The following COL4A5 variants were observed in gnomAD, a reference collection of about 807,000 sequenced individuals.
The protein encoded by COL4A5 is collagen type IV alpha 5 chain, also known as collagen alpha-5(IV) chain.
A neutral mutation model predicts 130.2 loss-of-function variants in COL4A5; 26 were observed. The ratio of observed to expected loss-of-function variants is 0.20; its 90% CI spans 0.15 to 0.28. COL4A5 has a LOEUF of 0.28. COL4A5 is among the 10% of genes least tolerant of loss of function. The pLI, the probability that COL4A5 is intolerant of heterozygous loss-of-function variation, is 1.00. For missense variants in COL4A5, 1,131 were observed against 1,344.3 expected, an observed-to-expected ratio of 0.84 and a Z score of 2.48; for synonymous variants, 496 against 439.6, an observed-to-expected ratio of 1.13 and a Z score of -1.60.
intron 36 of COL4A5, among the ~76,000 whole-genome samples, chrX:108,641,471 C>T (rs1229046548): frequency 1.8e-5 from 2 of 111,835 alleles, no homozygotes; most frequent in East Asian, 5.6e-4. Context: ...AGATCAACTG[C>T]AACAACAAAC....
At chrX:108,573,687 A>T in intron 9 of COL4A5, 33 bp downstream of exon 9, 1 of 983,810 alleles carries the variant, frequency 1.0e-6, no homozygotes, top group Non-Finnish European at 1.5e-6. Context: ...TTTTTGCTAT[A>T]TTGATTAAAC....
In COL4A5 at chrX:108,591,541, CCTTT is replaced by C; in HGVS notation, c.1340-15_1340-12del. ...GGATATTTCACAATTAGCTTGCTAT[CCTTT>C]CTTTATCTTACTCAGGTGATGAGAT... On this transcript the variant is annotated splice_polypyrimidine_tract_variant and intron_variant, in intron 20 of 52. Transcript: ENST00000328300. 3 of 1,150,580 alleles carry C rather than the reference CCTTT, an allele frequency of 2.6e-6. No homozygotes were observed. The highest frequency in any genetic ancestry group is 3.6e-6 in the Non-Finnish European group (3 of 839,954). 94.8% of individuals were successfully genotyped at this position (1,150,580 alleles called of 1,213,427 possible).
chrX:108,591,744 C>A, intron 21 of COL4A5, 100 bp downstream of exon 21: 1 of 648,047 alleles, frequency 1.5e-6, no homozygotes, highest in South Asian at 2.3e-5. Flanking sequence ...CACTGACTCC[C>A]ATGGTCATAC....
chrX:108,464,850 A>G (rs1323535724), intron 1 of COL4A5, among the ~76,000 whole-genome samples: 1 of 112,213 alleles, frequency 8.9e-6, no homozygotes, highest in African/African-American at 3.2e-5. Context: ...GGGAAATCTT[A>G]CTGAAGAAGT....
At chrX:108,656,159 A>G (rs2067837561) in intron 37 of COL4A5, among the ~76,000 whole-genome samples, 1 of 111,461 alleles carries the variant, frequency 9.0e-6, no homozygotes, top group Non-Finnish European at 1.9e-5. Context: ...AAGTTTACCC[A>G]TGCCCCTACG....
chrX:108,647,585 C>A (rs1366675370), intron 36 of COL4A5, among the ~76,000 whole-genome samples: 1 of 111,326 alleles, frequency 9.0e-6, no homozygotes, highest in Non-Finnish European at 1.9e-5. Context: ...TCTTCTCCTG[C>A]CTGATTGCCC....
At chrX:108,495,131 T>G (rs772268020) in intron 1 of COL4A5, among the ~76,000 whole-genome samples, 17 of 111,350 alleles carry the variant, frequency 1.5e-4, no homozygotes, top group Non-Finnish European at 3.2e-4. Flanking sequence ...AACTTTTTTT[T>G]TCAACAAATG....
chrX:108,526,837 G>C (rs1161108686), intron 1 of COL4A5, among the ~76,000 whole-genome samples: 11 of 102,123 alleles, frequency 1.1e-4, no homozygotes, highest in Non-Finnish European at 2.2e-4. Context: ...GAACAATCAT[G>C]GCTCACTGCA....
chrX:108,620,377 T>C lies in COL4A5; in HGVS notation c.2628T>C (p.Pro876=). The C allele has an allele frequency of 8.3e-7, 1 of 1,209,425 alleles. No homozygotes were observed. The highest frequency in any genetic ancestry group is 1.1e-6 in the Non-Finnish European group (1 of 893,730). ...CCGGAGCACCTGGTCCTATAGGACC[T>C]CCAGGATCACCAGGGCTTCCAGGAA... The part of the protein sequence containing the change: ...GIPGAPGPIG[P]PGSPGLPGKA... The change falls in exon 31 of 53, where the codon CCT becomes CCC. Residue 876 remains proline, a synonymous_variant. Coordinates refer to ENST00000328300, the MANE Select transcript of COL4A5 (RefSeq NM_033380.3).
chrX:108,464,596 ATGTC>A (rs2064685738), intron 1 of COL4A5, among the ~76,000 whole-genome samples: 1 of 112,544 alleles, frequency 8.9e-6, no homozygotes, highest in Admixed American at 9.4e-5. Context: ...GTATATAGAT[ATGTC>A]TGTCTGTATG....
chrX:108,655,390 T>C lies in COL4A5; in HGVS notation c.3306T>C (p.Asp1102=), dbSNP rs1172472084. 8.3e-7 allele frequency: 1 copy of C among 1,210,801 alleles called. No individual in the cohort carries two copies. Among genetic ancestry groups the C allele is most frequent in the Non-Finnish European group, 1.1e-6 (1 of 895,015 alleles). The part of the protein sequence containing the change: ...GNPGIKGSVG[D]PGLPGLPGTP... ...CTGGTATCAAAGGTTCTGTGGGAGA[T>C]CCTGGTTTGCCCGGATTACCAGGAA... The change falls in exon 37 of 53, where the codon GAT becomes GAC. Residue 1102 remains aspartate (D), a synonymous_variant. Transcript: ENST00000328300.
chrX:108,613,939 A>C (rs1026330380), intron 29 of COL4A5, among the ~76,000 whole-genome samples: 29 of 112,005 alleles, frequency 2.6e-4, no homozygotes, highest in African/African-American at 6.5e-4. Flanking sequence ...CTCCCAAGAA[A>C]AATGTGAAGC....
At chrX:108,580,158 A>G (rs2066218157) in intron 13 of COL4A5, among the ~76,000 whole-genome samples, 1 of 111,355 alleles carries the variant, frequency 9.0e-6, no homozygotes, top group African/African-American at 3.3e-5. Flanking sequence ...TCACATAGGT[A>G]TATTGTGTGA....
chrX:108,524,642 A>C (rs769250084), intron 1 of COL4A5, among the ~76,000 whole-genome samples: 53 of 111,211 alleles, frequency 4.8e-4, no homozygotes, highest in Non-Finnish European at 8.9e-4. Flanking sequence ...CTGCAAATTT[A>C]TCTCTAATCA....
At chrX:108,549,363 G>T (rs777613933) in intron 2 of COL4A5, among the ~76,000 whole-genome samples, 1 of 111,600 alleles carries the variant, frequency 9.0e-6, no homozygotes, top group African/African-American at 3.2e-5. Flanking sequence ...GTCACAAAAT[G>T]AGACCCTCTA....
intron 1 of COL4A5, among the ~76,000 whole-genome samples, chrX:108,476,330 T>C (rs2064832474): frequency 9.0e-6 from 1 of 110,712 alleles, no homozygotes; most frequent in Non-Finnish European, 1.9e-5. Context: ...TGTGAGATGT[T>C]TTGATACAGA....
chrX:108,492,073 A>G (rs368476205), intron 1 of COL4A5, among the ~76,000 whole-genome samples: 15 of 111,682 alleles, frequency 1.3e-4, no homozygotes, highest in African/African-American at 4.5e-4. Flanking sequence ...TTCGAAGGCC[A>G]TGTGCCCCCA....
chrX:108,566,968 C>T (rs537589574), intron 4 of COL4A5, among the ~76,000 whole-genome samples: 2 of 111,825 alleles, frequency 1.8e-5, no homozygotes, highest in African/African-American at 6.5e-5. Flanking sequence ...ATCTCTTCCC[C>T]TCATCTCTCT....
At chrX:108,561,502 C>T (rs1439066433) in intron 3 of COL4A5, among the ~76,000 whole-genome samples, 1 of 108,745 alleles carries the variant, frequency 9.2e-6, no homozygotes. Flanking sequence ...ACTTAAGACT[C>T]AGAGAATTTT....
Sources: gnomAD v4.1 joint callset for allele counts (sites outside exome capture counted in the v4.1 genomes callset) on GRCh38, gnomAD v4.1.1 for gene constraint, MANE v1.5 for transcripts, NCBI Gene and HGNC (gene_info 2026-07-23, HGNC 2026-07-21) for gene names.